Variants in NPAS2 observed in about 807,000 individuals in gnomAD.
NPAS2 encodes neuronal PAS domain-containing protein 2.
A neutral mutation model predicts 107.5 loss-of-function variants in NPAS2; 23 were observed. That is an observed-to-expected ratio of 0.21 (90% confidence interval 0.15 to 0.30). NPAS2 has a LOEUF of 0.30. Among genes scored for constraint, NPAS2 ranks in the 10% least tolerant of loss-of-function variants. The pLI is 1.00. For missense variants in NPAS2, 756 were observed against 1,043.3 expected, an observed-to-expected ratio of 0.72 and a Z score of 3.79; for synonymous variants, 403 against 417.5, an observed-to-expected ratio of 0.97 and a Z score of 0.42.
chr2:100,964,223 C>T, intron 8 of NPAS2, 47 bp downstream of exon 8: 1 of 1,220,082 alleles, frequency 8.2e-7, no homozygotes, highest in South Asian at 1.2e-5. Flanking sequence ...TTATGATTGA[C>T]TCACATTTTG....
chr2:100,849,435 A>G (rs1455138289), intron 1 of NPAS2, among the ~76,000 whole-genome samples: 1 of 152,084 alleles, frequency 6.6e-6, no homozygotes, highest in Non-Finnish European at 1.5e-5. Context: ...CCCTGCCACC[A>G]TTAGCTGCAG....
chr2:100,835,110 GT>G (rs1676976115), intron 1 of NPAS2, among the ~76,000 whole-genome samples: 1 of 152,144 alleles, frequency 6.6e-6, no homozygotes, highest in African/African-American at 2.4e-5. Context: ...GACAGTCATC[GT>G]TACAGACACG....
chr2:100,971,268 C>G (rs1254603912), intron 12 of NPAS2, among the ~76,000 whole-genome samples, 194 bp downstream of exon 12: 1 of 144,376 alleles, frequency 6.9e-6, no homozygotes, highest in African/African-American at 2.6e-5. Flanking sequence ...CACCATACTC[C>G]AGCCCGGATG....
intron 1 of NPAS2, among the ~76,000 whole-genome samples, chr2:100,834,100 A>C (rs1267185979): frequency 6.6e-6 from 1 of 152,098 alleles, no homozygotes; most frequent in Non-Finnish European, 1.5e-5. Flanking sequence ...CTTGCCCGGC[A>C]CCGAACAGAC....
chr2:100,910,795 T>C (rs892812196), intron 2 of NPAS2, among the ~76,000 whole-genome samples: 5 of 152,188 alleles, frequency 3.3e-5, no homozygotes, highest in African/African-American at 1.2e-4. Context: ...CCCATAATGT[T>C]GGGATTACAG....
chr2:100,844,943 A>G (rs1677679199), intron 1 of NPAS2, among the ~76,000 whole-genome samples: 1 of 152,170 alleles, frequency 6.6e-6, no homozygotes, highest in South Asian at 2.1e-4. Context: ...AGCAGAGGCC[A>G]TTTATCCAGA....
chr2:100,903,533 T>C (rs1164880457), intron 1 of NPAS2, among the ~76,000 whole-genome samples: 1 of 152,228 alleles, frequency 6.6e-6, no homozygotes, highest in Non-Finnish European at 1.5e-5. Context: ...AGAGAAAGAT[T>C]GATTGGCTCC....
intron 19 of NPAS2, among the ~76,000 whole-genome samples, chr2:100,992,687 C>G (rs970691103): frequency 6.6e-6 from 1 of 152,190 alleles, no homozygotes; most frequent in Non-Finnish European, 1.5e-5. Flanking sequence ...GCTACTGATG[C>G]TGAGTATGTT....
rs145480737 is a variant in NPAS2, at chr2:100,885,979, G to A, written c.-22-18754G>A. 1.0e-3 allele frequency among the ~76,000 whole-genome samples: 154 copies of A among 152,290 alleles called. 1 individual carries two copies. Among genetic ancestry groups the A allele is most frequent in the African/African-American group, 3.5e-3 (147 of 41,576 alleles). ...CCCGGCTAGCCAATTTATTTTAACA[G>A]CATTTCACTTTCAATTTTGTTAAAT... On this transcript the variant is annotated intron_variant, in intron 1 of 20. Coordinates refer to ENST00000335681, the MANE Select transcript of NPAS2 (RefSeq NM_002518.4).
intron 1 of NPAS2, among the ~76,000 whole-genome samples, chr2:100,867,360 T>A (rs1679319325): frequency 6.6e-6 from 1 of 152,218 alleles, no homozygotes; most frequent in South Asian, 2.1e-4. Context: ...TATTATTAGG[T>A]GCATGTAAGT....
intron 16 of NPAS2, chr2:100,987,782 A>T: frequency 2.5e-6 from 1 of 396,896 alleles, no homozygotes; most frequent in Non-Finnish European, 4.6e-6. Context: ...CAAGTACATC[A>T]CATTATTTAG....
At chr2:100,933,203 C>T (rs185067844) in intron 4 of NPAS2, among the ~76,000 whole-genome samples, 2 of 152,126 alleles carry the variant, frequency 1.3e-5, no homozygotes, top group Admixed American at 6.5e-5. Context: ...AATGTGGTCA[C>T]GTGTTTTCAC....
At chr2:100,934,464 G>T (rs867738721) in intron 4 of NPAS2, among the ~76,000 whole-genome samples, 1 of 152,164 alleles carries the variant, frequency 6.6e-6, no homozygotes, top group Non-Finnish European at 1.5e-5. Flanking sequence ...ATTGATATTT[G>T]TATAGTCTTT....
intron 16 of NPAS2, chr2:100,983,969 C>T (rs1476940548): frequency 1.3e-5 from 2 of 152,244 alleles, no homozygotes; most frequent in Admixed American, 1.3e-4. Context: ...TTTTCTACTT[C>T]CTGCCTTTTC....
intron 1 of NPAS2, among the ~76,000 whole-genome samples, chr2:100,852,924 A>T (rs1214333565): frequency 6.6e-6 from 1 of 152,230 alleles, no homozygotes; most frequent in Non-Finnish European, 1.5e-5. Context: ...ATGGCTTGAT[A>T]TGAATTTCAC....
At chr2:100,952,151 C>CAA (rs35401096) in intron 7 of NPAS2, among the ~76,000 whole-genome samples, 33 of 66,774 alleles carry the variant, frequency 4.9e-4, no homozygotes, top group African/African-American at 5.6e-4. Context: ...GACTCTGTCT[C>CAA]AAAAAAAAAA....
intron 1 of NPAS2, among the ~76,000 whole-genome samples, chr2:100,836,206 T>C (rs1677047011): frequency 6.6e-6 from 1 of 152,248 alleles, no homozygotes; most frequent in South Asian, 2.1e-4. Context: ...TAAACATCAA[T>C]AAAGTAATTT....
At chr2:100,830,177 C>T (rs1676642373) in intron 1 of NPAS2, among the ~76,000 whole-genome samples, 1 of 152,146 alleles carries the variant, frequency 6.6e-6, no homozygotes, top group African/African-American at 2.4e-5. Context: ...CGTGCAATAA[C>T]ATGACAGGTG....
At chr2:100,904,862 T>C in intron 2 of NPAS2, 76 bp downstream of exon 2, 1 of 1,100,606 alleles carries the variant, frequency 9.1e-7, no homozygotes, top group Non-Finnish European at 1.4e-6. Context: ...CTCGCTGGCT[T>C]TCACTCTGTG....
Sources: gnomAD v4.1 joint callset for allele counts (sites outside exome capture counted in the v4.1 genomes callset) on GRCh38, gnomAD v4.1.1 for gene constraint, MANE v1.5 for transcripts, NCBI Gene and HGNC (gene_info 2026-07-23, HGNC 2026-07-21) for gene names.